RFTN1: variants seen among roughly 807,000 people sequenced by gnomAD.
The protein encoded by RFTN1 is raftlin, lipid raft linker 1, also known as raftlin.
In RFTN1, 26 loss-of-function variants were observed where a neutral mutation model predicts 46.5. The ratio of observed to expected loss-of-function variants is 0.56; its 90% confidence interval spans 0.41 to 0.78. RFTN1 has a LOEUF of 0.78. Ranked by LOEUF, RFTN1 falls within the 30% of genes least tolerant of loss-of-function variation. The pLI is 0.00. For missense variants in RFTN1, 693 were observed against 718.7 expected (o/e 0.96, Z 0.41); for synonymous variants, 261 against 284.2 (o/e 0.92, Z 0.82).
rs1056504743 is a variant in RFTN1 at position 16,327,799 on chromosome 3, G to A, written c.1147-923C>T. ...AAAACGAAAAAAACTTCAGCCCCCT[G>A]CTAGCACAGGGAGAGAGCCCTGATG... On this transcript the variant is annotated intron_variant, in intron 7 of 9. Coordinates refer to ENST00000334133, the MANE Select transcript of RFTN1 (RefSeq NM_015150.2). The surrounding 1 kb of genome is among the most constrained non-coding windows in gnomAD (Gnocchi z 4.2). Among the ~76,000 whole-genome samples, 2 of 150,628 alleles carry A rather than the reference G, an allele frequency of 1.3e-5. No individual in the cohort carries two copies. Among genetic ancestry groups the A allele is most frequent in the African/African-American group, 4.9e-5 (2 of 41,040 alleles).
At chr3:16,409,510 A>G in intron 3 of RFTN1, 27 bp from the exon 4 acceptor site, 1 of 1,435,722 alleles carries the variant, frequency 7.0e-7, no homozygotes. Flanking sequence ...GCACACACAG[A>G]AACAGATTAA....
At chr3:16,417,289 C>T (rs931232464) in intron 3 of RFTN1, among the ~76,000 whole-genome samples, 6 of 152,026 alleles carry the variant, frequency 3.9e-5, no homozygotes, top group Non-Finnish European at 5.9e-5. Context: ...CATCAGCCAC[C>T]GCACCCGGCC....
intron 4 of RFTN1, among the ~76,000 whole-genome samples, chr3:16,405,321 C>G (rs1387516137): frequency 1.3e-5 from 2 of 152,204 alleles, no homozygotes; most frequent in Non-Finnish European, 2.9e-5. Flanking sequence ...GAAAACAAGT[C>G]TCTCCAAGTC....
chr3:16,468,741 G>A lies in RFTN1; in HGVS notation c.145+24984C>T, dbSNP rs901936622. ...ACTAGCTGTAGCCAATTCAAGCTGA[G>A]CCAATTATCACCAATCATAAAAGAT... On this transcript the variant is annotated intron_variant, in intron 2 of 9. Coordinates refer to ENST00000334133, the MANE Select transcript of RFTN1 (RefSeq NM_015150.2). This position sits in a 1 kb window ranked among gnomAD's most constrained non-coding sequence, Gnocchi z 4.4. 2.0e-5 allele frequency among the ~76,000 whole-genome samples: 3 copies of A among 151,940 alleles called. No homozygotes were observed. The highest frequency in any genetic ancestry group is 4.8e-5 in the African/African-American group (2 of 41,340).
rs3821785 is a variant in RFTN1, at chr3:16,512,747, G to C, written c.-9+695C>G. 0.51 allele frequency: 77,929 copies of C among 151,660 alleles called. 20,457 individuals are homozygous for C. The highest frequency in any genetic ancestry group is 0.61 in the African/African-American group (25,081 of 41,310). The allele number at this position is 151,660 out of a possible 1,614,324, so 9.4% of individuals were successfully genotyped here. On this transcript the variant is annotated intron_variant, in intron 1 of 9. Transcript: ENST00000334133. The surrounding 1 kb of genome is among the most constrained non-coding windows in gnomAD (Gnocchi z 4.3). ...TCCATCCTGGCGTCCCTTGAGTCTA[G>C]AGAAGTGGGTTAAGACAAGGGAAGA...
rs2073995593 is a variant in RFTN1, at chr3:16,381,596, G to A, written c.442-3494C>T. Among the ~76,000 whole-genome samples, 1 of 152,116 alleles carries A rather than the reference G, an allele frequency of 6.6e-6. No individual in the cohort carries two copies. Among genetic ancestry groups the A allele is most frequent in the African/African-American group, 2.4e-5 (1 of 41,418 alleles). On this transcript the variant is annotated intron_variant, in intron 4 of 9. Coordinates refer to ENST00000334133, the MANE Select transcript of RFTN1 (RefSeq NM_015150.2). The surrounding 1 kb of genome is among the most constrained non-coding windows in gnomAD (Gnocchi z 4.2). Reference sequence around the variant, plus strand: ...GCCATGCTAGACAAAACCTATTTGGGACCTACTCTGCAGAAGGCTTTGAAG... The same window carrying A: ...GCCATGCTAGACAAAACCTATTTGGAACCTACTCTGCAGAAGGCTTTGAAG...
intron 2 of RFTN1, among the ~76,000 whole-genome samples, chr3:16,486,720 T>C (rs549135067): frequency 6.6e-6 from 1 of 152,372 alleles, no homozygotes; most frequent in Non-Finnish European, 1.5e-5. Flanking sequence ...CATCAAGTAC[T>C]GGTTCTTCAT....
chr3:16,484,167 A>G lies in RFTN1; in HGVS notation c.145+9558T>C, dbSNP rs2076410417. Reference sequence around the variant, plus strand: ...ACTTTCATTTCTTAATTTTCAGAATATAATGTAAATCATGATCCATTTTTT... The same window carrying G: ...ACTTTCATTTCTTAATTTTCAGAATGTAATGTAAATCATGATCCATTTTTT... On this transcript the variant is annotated intron_variant, in intron 2 of 9. Transcript: ENST00000334133. This position sits in a 1 kb window ranked among gnomAD's most constrained non-coding sequence, Gnocchi z 4.6. 6.6e-6 allele frequency among the ~76,000 whole-genome samples: 1 copy of G among 152,230 alleles called. No homozygotes were observed. The highest frequency in any genetic ancestry group is 2.1e-4 in the South Asian group (1 of 4,830).
chr3:16,488,162 G>C (rs2076480941), intron 2 of RFTN1, among the ~76,000 whole-genome samples: 1 of 150,138 alleles, frequency 6.7e-6, no homozygotes, highest in African/African-American at 2.5e-5. Flanking sequence ...GAGTGCAATG[G>C]TGCGATCTCA....
intron 1 of RFTN1, among the ~76,000 whole-genome samples, chr3:16,511,568 G>A (rs1032618731): frequency 1.3e-5 from 2 of 152,102 alleles, no homozygotes; most frequent in African/African-American, 4.8e-5. Flanking sequence ...GAGTCACAGT[G>A]TCCTCTCCTT....
At chr3:16,497,718 C>A (rs1483483694) in intron 1 of RFTN1, among the ~76,000 whole-genome samples, 1 of 152,238 alleles carries the variant, frequency 6.6e-6, no homozygotes, top group Non-Finnish European at 1.5e-5. Context: ...ATTAGAGGTT[C>A]ATTCCTTTGA....
Position 16,355,560 on chromosome 3 carries a change from T to C in RFTN1, c.1146+2372A>G, listed in dbSNP as rs117421130. Among the ~76,000 whole-genome samples the C allele has an allele frequency of 4.7e-4, 72 of 152,354 alleles. 4 individuals are homozygous for C. The East Asian group carries it at 0.013, about 29-fold the overall frequency. On this transcript the variant is annotated intron_variant, in intron 7 of 9. Transcript: ENST00000334133. ...CATCCTATCCATGAGGGTGGAGCCTTTGCAGCCTCATCACTCCTGGGGTCC... is the reference window on the plus strand; with the variant it reads ...CATCCTATCCATGAGGGTGGAGCCTCTGCAGCCTCATCACTCCTGGGGTCC...
intron 4 of RFTN1, among the ~76,000 whole-genome samples, chr3:16,389,853 G>A (rs887388707): frequency 2.6e-5 from 4 of 152,198 alleles, no homozygotes; most frequent in Non-Finnish European, 5.9e-5. Context: ...CAACCAATGA[G>A]TAGGTGAAAA....
At position 16,485,471 on chromosome 3, in the gene RFTN1, T is replaced by G. The variant is rs529241581; in HGVS notation, c.145+8254A>C. On this transcript the variant is annotated intron_variant, in intron 2 of 9. Transcript: ENST00000334133. ...CAGCAAGGACTCCATACATACAACATCAAGGACTCCATACATACAACAGCA... is the reference window on the plus strand; with the variant it reads ...CAGCAAGGACTCCATACATACAACAGCAAGGACTCCATACATACAACAGCA... Among the ~76,000 whole-genome samples, 64 of 151,748 alleles carry G rather than the reference T, an allele frequency of 4.2e-4. 1 individual carries two copies. Among genetic ancestry groups the G allele is most frequent in the African/African-American group, 1.2e-3 (51 of 41,340 alleles).
At chr3:16,398,242 C>A (rs1410395953) in intron 4 of RFTN1, among the ~76,000 whole-genome samples, 1 of 89,036 alleles carries the variant, frequency 1.1e-5, no homozygotes. Context: ...GAAAGACTGT[C>A]TCAAAAAAAA....
intron 4 of RFTN1, among the ~76,000 whole-genome samples, chr3:16,405,789 C>T (rs2074842841): frequency 6.6e-6 from 1 of 151,556 alleles, no homozygotes; most frequent in East Asian, 1.9e-4. Flanking sequence ...AGAATATGAA[C>T]CTGTCCTGCA....
Position 16,316,876 on chromosome 3 carries a change from G to T in RFTN1, c.1689C>A (p.Asp563Glu), listed in dbSNP as rs552983670. 1 of 1,614,066 alleles carries T rather than the reference G, an allele frequency of 6.2e-7. No homozygotes were observed. The highest frequency in any genetic ancestry group is 1.7e-5 in the Admixed American group (1 of 60,020). The part of the protein sequence containing the change: ...GHSNPGEDAR[D>E]GDAEEVRELG... ...GCTCTCTGACTTCCTCAGCATCCCC[G>T]TCCCTGGCATCCTCTCCAGGATTGG... Residue 563 changes from aspartate to glutamate, a missense_variant, in exon 10 of 10, where the codon GAC becomes GAA. Physicochemically the swap from Asp to Glu is conservative, Grantham distance 45. Transcript: ENST00000334133. This position sits in a 1 kb window ranked among gnomAD's most constrained non-coding sequence, Gnocchi z 4.5.
intron 4 of RFTN1, among the ~76,000 whole-genome samples, chr3:16,399,245 GA>G (rs928383387): frequency 2.0e-5 from 3 of 151,280 alleles, no homozygotes; most frequent in African/African-American, 7.3e-5. Context: ...AAACCCATGA[GA>G]AAAAAAAGAA....
chr3:16,479,972 A>C lies in RFTN1; in HGVS notation c.145+13753T>G, dbSNP rs2076338487. Among the ~76,000 whole-genome samples the C allele has an allele frequency of 6.6e-6, 1 of 152,198 alleles. No homozygotes were observed. Among genetic ancestry groups the C allele is most frequent in the South Asian group, 2.1e-4 (1 of 4,814 alleles). On this transcript the variant is annotated intron_variant, in intron 2 of 9. Coordinates refer to ENST00000334133, the MANE Select transcript of RFTN1 (RefSeq NM_015150.2). The surrounding 1 kb of genome is among the most constrained non-coding windows in gnomAD (Gnocchi z 5.1). ...CTGGTTTCCAGATATAGGAGAACAGACACCAGACTAGGACATTAAAAACTC... is the reference window on the plus strand; with the variant it reads ...CTGGTTTCCAGATATAGGAGAACAGCCACCAGACTAGGACATTAAAAACTC...
Sources: gnomAD v4.1 joint callset for allele counts (sites outside exome capture counted in the v4.1 genomes callset) on GRCh38, gnomAD v4.1.1 for gene constraint, Gnocchi (gnomAD v3.1) non-coding constraint, MANE v1.5 for transcripts, NCBI Gene and HGNC (gene_info 2026-07-23, HGNC 2026-07-21) for gene names.